GUCY2D: variants seen among roughly 807,000 people sequenced by gnomAD.
The protein encoded by GUCY2D is guanylate cyclase 2D, retinal.
GUCY2D carries 70 observed loss-of-function variants against 101.3 expected under a neutral mutation model. The ratio of observed to expected loss-of-function variants is 0.69; its 90% CI spans 0.57 to 0.84. The LOEUF is 0.84. GUCY2D is among the 40% of genes least tolerant of loss of function. The probability of loss-of-function intolerance (pLI) is 0.00; values close to 1 mark genes in which losing one functional copy is unlikely to be tolerated. For missense variants in GUCY2D, 1,460 were observed against 1,542.5 expected, an observed-to-expected ratio of 0.95 and a Z score of 0.90; for synonymous variants, 688 against 670.7, an observed-to-expected ratio of 1.03 and a Z score of -0.40.
intron 4 of GUCY2D, 133 bp from the exon 5 acceptor site, chr17:8,006,927 A>G: frequency 1.2e-6 from 1 of 841,672 alleles, no homozygotes; most frequent in Middle Eastern, 3.3e-4. Context: ...TTGAGGAACT[A>G]TGACCTACCC....
At position 8,014,670 on chromosome 17, in the gene GUCY2D, T is replaced by C; in HGVS notation, c.2482T>C (p.Ser828Pro). 2 of 1,613,932 alleles carry C rather than the reference T, an allele frequency of 1.2e-6. No homozygotes were observed. Among genetic ancestry groups the C allele is most frequent in the Non-Finnish European group, 1.7e-6 (2 of 1,179,868 alleles). Reference protein sequence around the residue: ...DSMLRMLEQYSSNLEDLIRER... With the variant: ...DSMLRMLEQYPSNLEDLIRER... The stretch of plus-strand genomic sequence containing the variant: ...GATGCTTCGGATGCTGGAGCAGTAC[T>C]CTAGTAACCTGGAGGATCTGATCCG... Residue 828 changes from serine (S) to proline (P), a missense_variant, in exon 13 of 20, where the codon TCT (serine) becomes CCT (proline). By Grantham distance (74) the Ser-to-Pro change is moderately conservative. Around this residue, in one of 3 missense-constraint regions of GUCY2D, gnomAD observed 1,196 missense variants for 1,229.6 expected, o/e 0.97. Coordinates refer to ENST00000254854, the MANE Select transcript of GUCY2D (RefSeq NM_000180.4). The surrounding 1 kb of genome is among the most constrained non-coding windows in gnomAD (Gnocchi z 4.0).
rs61749674 is a variant in GUCY2D, at chr17:8,004,067, C to T, written c.937C>T (p.Arg313Cys). Reference sequence around the variant, plus strand: ...CCACGATGCCGTGCTCACCCTCACGCGCCACTGTCCCTCTGAAGGCAGCGT... The same window carrying T: ...CCACGATGCCGTGCTCACCCTCACGTGCCACTGTCCCTCTGAAGGCAGCGT... ...RAHDAVLTLT[R>C]HCPSEGSVLD... The change falls in exon 3 of 20, where the codon CGC becomes TGC. Residue 313 changes from arginine (R) to cysteine (C), a missense_variant. Physicochemically the swap from Arg to Cys is radical, Grantham distance 180. Around this residue, in one of 3 missense-constraint regions of GUCY2D, gnomAD observed 1,196 missense variants for 1,229.6 expected, o/e 0.97. Coordinates refer to ENST00000254854, the MANE Select transcript of GUCY2D (RefSeq NM_000180.4). The T allele has an allele frequency of 9.3e-6, 15 of 1,607,084 alleles. No homozygotes were observed. The highest frequency in any genetic ancestry group is 2.2e-5 in the South Asian group (2 of 91,044).
intron 6 of GUCY2D, among the ~76,000 whole-genome samples, 196 bp from the exon 7 acceptor site, chr17:8,007,735 G>A (rs911275263): frequency 2.6e-5 from 4 of 152,174 alleles, no homozygotes; most frequent in African/African-American, 7.2e-5. Flanking sequence ...GCGGGGAGGT[G>A]AAGCTCCAAC....
rs1001909837 is a variant in GUCY2D at position 8,002,822 on chromosome 17, G to T, written c.-10+88G>T. ...TGACCCCTGACGCCTCCGACGGGGG[G>T]AGGGGCAGGCCGGGTGGGAGCGGGA... On this transcript the variant is annotated intron_variant, in intron 1 of 19. Transcript: ENST00000254854. The surrounding 1 kb of genome is among the most constrained non-coding windows in gnomAD (Gnocchi z 4.9). 2 of 524,462 alleles carry T rather than the reference G, an allele frequency of 3.8e-6. No homozygotes were observed. The highest frequency in any genetic ancestry group is 2.5e-5 in the South Asian group (1 of 40,468). The allele number at this position is 524,462 out of a possible 1,614,324, so 32.5% of individuals were successfully genotyped here. A position where few individuals can be genotyped will look rare whatever the true frequency, so the allele number is the denominator to read the frequency against.
chr17:8,015,029 T>C lies in GUCY2D; in HGVS notation c.2747T>C (p.Ile916Thr). Residue 916 changes from isoleucine to threonine, a missense_variant, in exon 14 of 20, where the codon ATT (isoleucine) becomes ACT (threonine). Physicochemically the swap from Ile to Thr is moderately conservative, Grantham distance 89. Transcript: ENST00000254854. Reference protein sequence around the residue: ...NDLYTLFDAIIGSHDVYKVET... With the variant: ...NDLYTLFDAITGSHDVYKVET... ...CTCTACACACTCTTTGATGCCATCA[T>C]TGGTTCCCACGATGTCTACAAGGTG... The C allele has an allele frequency of 6.2e-7, 1 of 1,613,922 alleles. No homozygotes were observed. The highest frequency in any genetic ancestry group is 8.5e-7 in the Non-Finnish European group (1 of 1,179,972).
Position 8,014,858 on chromosome 17 carries a change from G to T in GUCY2D, c.2577-1G>T. Reference sequence around the variant, plus strand: ...GTGACCTCACTGCCTGCCATCCCTAGGTCTGTGGCTGAGGCCTTGAAGACG... The same window carrying T: ...GTGACCTCACTGCCTGCCATCCCTATGTCTGTGGCTGAGGCCTTGAAGACG... On this transcript the variant is annotated splice_acceptor_variant, in intron 13 of 19. Coordinates refer to ENST00000254854, the MANE Select transcript of GUCY2D (RefSeq NM_000180.4). LOFTEE classifies it high-confidence loss of function. The surrounding 1 kb of genome is among the most constrained non-coding windows in gnomAD (Gnocchi z 4.0). 1 of 1,614,120 alleles carries T rather than the reference G, an allele frequency of 6.2e-7. No homozygotes were observed. Among genetic ancestry groups the T allele is most frequent in the Non-Finnish European group, 8.5e-7 (1 of 1,180,008 alleles).
chr17:8,013,093 C>T lies in GUCY2D; in HGVS notation c.2114-10C>T, dbSNP rs1975888429. On this transcript the variant is annotated splice_polypyrimidine_tract_variant and intron_variant, in intron 10 of 19. Coordinates refer to ENST00000254854, the MANE Select transcript of GUCY2D (RefSeq NM_000180.4). This position sits in a 1 kb window ranked among gnomAD's most constrained non-coding sequence, Gnocchi z 5.0. ...CCCCAGCGGCGCCTCAGCCCCTTCC[C>T]CATCCCCAGACCAGCTGTGGACAGC... 1 of 1,610,286 alleles carries T rather than the reference C, an allele frequency of 6.2e-7. No individual in the cohort carries two copies.
Position 8,004,156 on chromosome 17 carries a change from G to A in GUCY2D, c.1026G>A (p.Gln342=). 3.1e-6 allele frequency: 5 copies of A among 1,588,540 alleles called. No homozygotes were observed. The highest frequency in any genetic ancestry group is 4.3e-6 in the Non-Finnish European group (5 of 1,172,008). ...RELPSDLNLQ[Q]VSPLFGTIYD... Reference sequence around the variant, plus strand: ...TGCCCTCTGACCTCAATCTGCAGCAGGTAGACGGTCCCGGGAGGAGGGAAG... The same window carrying A: ...TGCCCTCTGACCTCAATCTGCAGCAAGTAGACGGTCCCGGGAGGAGGGAAG... Residue 342 remains glutamine, a splice_region_variant and synonymous_variant, in exon 3 of 20, where the codon CAG becomes CAA. Coordinates refer to ENST00000254854, the MANE Select transcript of GUCY2D (RefSeq NM_000180.4).
chr17:8,014,847 T>TGCC lies in GUCY2D; in HGVS notation c.2577-11_2577-9dup. 1 of 1,614,028 alleles carries TGCC rather than the reference T, an allele frequency of 6.2e-7. No homozygotes were observed. Among genetic ancestry groups the TGCC allele is most frequent in the Non-Finnish European group, 8.5e-7 (1 of 1,179,944 alleles). On this transcript the variant is annotated splice_polypyrimidine_tract_variant and intron_variant, in intron 13 of 19. Transcript: ENST00000254854. The surrounding 1 kb of genome is among the most constrained non-coding windows in gnomAD (Gnocchi z 4.0). ...GTGGCCCCCAGGTGACCTCACTGCC[T>TGCC]GCCATCCCTAGGTCTGTGGCTGAGG... is the stretch of plus-strand genomic sequence containing the variant.
Position 8,016,428 on chromosome 17 carries a change from G to A in GUCY2D, c.3225-15G>A, listed in dbSNP as rs775550206. On this transcript the variant is annotated splice_polypyrimidine_tract_variant and intron_variant, in intron 18 of 19. Transcript: ENST00000254854. ...CCCATTCCCCTTCCCTGAGGCCACC[G>A]CCCCCTCCTTGCAGGTCCAGCAACC... The A allele has an allele frequency of 8.4e-6, 13 of 1,542,022 alleles. No homozygotes were observed. In the Admixed American group the frequency reaches 2.3e-4, roughly 28 times the overall value.
rs138298187 is a variant in GUCY2D, at chr17:8,007,113, C to T, written c.1432C>T (p.Leu478=). 31 of 1,613,826 alleles carry T rather than the reference C, an allele frequency of 1.9e-5. No individual in the cohort carries two copies. The African/African-American group carries it at 3.9e-4, about 20-fold the overall frequency. Reference sequence around the variant, plus strand: ...CTTCCTCCTGGTGGTTGGGATGGGGCTGGCTGGGGCCTTCCTGGCCCATTA... The same window carrying T: ...CTTCCTCCTGGTGGTTGGGATGGGGTTGGCTGGGGCCTTCCTGGCCCATTA... ...LGFLLVVGMG[L]AGAFLAHYVR... The change falls in exon 5 of 20, where the codon CTG becomes TTG. Residue 478 remains leucine, a synonymous_variant. Coordinates refer to ENST00000254854, the MANE Select transcript of GUCY2D (RefSeq NM_000180.4).
At chr17:8,012,998 C>A (rs376615794) in intron 10 of GUCY2D, 105 bp from the exon 11 acceptor site, 3 of 1,013,002 alleles carry the variant, frequency 3.0e-6, no homozygotes, top group East Asian at 2.5e-5. Context: ...GGTCTCAGAC[C>A]GGTCTCAGGC....
At position 8,003,948 on chromosome 17, in the gene GUCY2D, T is replaced by C; in HGVS notation, c.818T>C (p.Leu273Pro). The C allele has an allele frequency of 6.2e-7, 1 of 1,613,688 alleles. No individual in the cohort carries two copies. The highest frequency in any genetic ancestry group is 8.5e-7 in the Non-Finnish European group (1 of 1,179,876). ...GAGCTGGGCCTGACCGATGGCTCCC[T>C]GGTCTTCCTGCCCTTCGACACGATC... ...AEELGLTDGS[L>P]VFLPFDTIHY... The change falls in exon 3 of 20, where the codon CTG becomes CCG. Residue 273 changes from leucine (L) to proline (P), a missense_variant. By Grantham distance (98) the Leu-to-Pro change is moderately conservative. Around this residue, in one of 3 missense-constraint regions of GUCY2D, gnomAD observed 1,196 missense variants for 1,229.6 expected, o/e 0.97. Transcript: ENST00000254854.
chr17:8,013,927 G>A lies in GUCY2D; in HGVS notation c.2311G>A (p.Val771Met), dbSNP rs1975907725. 3 of 1,613,642 alleles carry A rather than the reference G, an allele frequency of 1.9e-6. No individual in the cohort carries two copies. Among genetic ancestry groups the A allele is most frequent in the African/African-American group, 2.7e-5 (2 of 75,038 alleles). Residue 771 changes from valine (V) to methionine (M), a missense_variant, in exon 12 of 20, where the codon GTG becomes ATG. Around this residue, in one of 3 missense-constraint regions of GUCY2D, gnomAD observed 1,196 missense variants for 1,229.6 expected, o/e 0.97. Coordinates refer to ENST00000254854, the MANE Select transcript of GUCY2D (RefSeq NM_000180.4). This position sits in a 1 kb window ranked among gnomAD's most constrained non-coding sequence, Gnocchi z 5.0. ...RSPPPLCRPL[V>M]SMDQAPVECI... The stretch of plus-strand genomic sequence containing the variant: ...CCCCCCTCCACTGTGTCGGCCCTTG[G>A]TGTCCATGGACCAGGCACCTGTCGA...
rs201090802 is a variant in GUCY2D at position 8,011,829 on chromosome 17, TA to T, written c.1750-306del. The stretch of plus-strand genomic sequence containing the variant: ...GGGCAACAGAGTGAGACCTCGTGTC[TA>T]AAAAAAAAGGCTTATGATCAATAAA... On this transcript the variant is annotated intron_variant, in intron 8 of 19. Coordinates refer to ENST00000254854, the MANE Select transcript of GUCY2D (RefSeq NM_000180.4). The surrounding 1 kb of genome is among the most constrained non-coding windows in gnomAD (Gnocchi z 4.3). Among the ~76,000 whole-genome samples the T allele has an allele frequency of 1.3e-4, 20 of 150,728 alleles. No individual in the cohort carries two copies. The highest frequency in any genetic ancestry group is 3.9e-4 in the African/African-American group (16 of 41,010).
chr17:8,014,062 G>A lies in GUCY2D; in HGVS notation c.2412+34G>A, dbSNP rs377388031. The A allele has an allele frequency of 1.3e-6, 2 of 1,596,978 alleles. No homozygotes were observed. The highest frequency in any genetic ancestry group is 1.7e-5 in the Admixed American group (1 of 60,010). On this transcript the variant is annotated intron_variant, in intron 12 of 19. Coordinates refer to ENST00000254854, the MANE Select transcript of GUCY2D (RefSeq NM_000180.4). This position sits in a 1 kb window ranked among gnomAD's most constrained non-coding sequence, Gnocchi z 4.0. ...CTGGGAGTGGGCAAGGACTGGGCTG[G>A]CCTCTGGGATCCCAGATGCTTGTCA...
chr17:8,015,146 C>T (rs1975939704), intron 14 of GUCY2D, 95 bp downstream of exon 14: 2 of 1,171,800 alleles, frequency 1.7e-6, no homozygotes, highest in Admixed American at 1.9e-5. Context: ...CCTACCTGCC[C>T]AATCAATCTT....
intron 17 of GUCY2D, 67 bp downstream of exon 17, chr17:8,016,088 G>A (rs1002908528): frequency 6.6e-5 from 95 of 1,448,720 alleles, no homozygotes; most frequent in Non-Finnish European, 8.4e-5. Context: ...ATCCCGGGCC[G>A]CGGCTGCAAA....
chr17:8,017,178 AGT>A (rs1267920522), intron 19 of GUCY2D, among the ~76,000 whole-genome samples: 2 of 152,202 alleles, frequency 1.3e-5, no homozygotes, highest in Admixed American at 1.3e-4. Context: ...ACCTTGGGAA[AGT>A]GTCACGCATG....
Sources: allele counts gnomAD v4.1 joint callset (sites outside exome capture counted in the v4.1 genomes callset), GRCh38; gene constraint gnomAD v4.1.1; regional missense constraint gnomAD v4.1.1; non-coding constraint Gnocchi (gnomAD v3.1); transcripts MANE v1.5; gene names NCBI Gene and HGNC (gene_info 2026-07-23, HGNC 2026-07-21).